OGA: variants seen among roughly 807,000 people sequenced by gnomAD.
The protein encoded by OGA is protein O-GlcNAcase.
In OGA, 21 loss-of-function variants were observed where a neutral mutation model predicts 102.0. The observed-to-expected ratio is 0.21, with a 90% confidence interval of 0.15 to 0.30. The LOEUF (loss-of-function observed/expected upper bound fraction) is 0.30. OGA is among the 10% of genes least tolerant of loss of function. OGA has a pLI of 1.00. For missense variants in OGA, 765 were observed against 1,107.8 expected (o/e 0.69, Z 4.39); for synonymous variants, 408 against 378.2 (o/e 1.08, Z -0.91).
chr10:101,794,392 A>T (rs2065292664), intron 10 of OGA, among the ~76,000 whole-genome samples: 1 of 152,216 alleles, frequency 6.6e-6, no homozygotes, highest in African/African-American at 2.4e-5. Context: ...CCCATGAAGG[A>T]ATTCAACCTG....
At chr10:101,816,263 C>T (rs1028981218) in intron 1 of OGA, among the ~76,000 whole-genome samples, 3 of 151,956 alleles carry the variant, frequency 2.0e-5, no homozygotes, top group Non-Finnish European at 4.4e-5. Context: ...ACTCCGTCTC[C>T]CAAAACAAAA....
In OGA at chr10:101,793,908, G is replaced by A; in HGVS notation, c.2070+5C>T. On this transcript the variant is annotated splice_donor_5th_base_variant and intron_variant, in intron 11 of 15. Transcript: ENST00000361464. ...GTCAATTCAGTTGTGAATTCATATT[G>A]ATACCTGGAACTCTCCTGCTAGACC... 5.0e-6 allele frequency: 8 copies of A among 1,588,656 alleles called. No individual in the cohort carries two copies. The highest frequency in any genetic ancestry group is 6.0e-6 in the Non-Finnish European group (7 of 1,157,234).
intron 1 of OGA, 26 bp downstream of exon 1, chr10:101,817,798 A>C: frequency 6.5e-7 from 1 of 1,535,264 alleles, no homozygotes; most frequent in East Asian, 2.5e-5. Context: ...TTAGTGCCAA[A>C]ACGGGGAGGG....
intron 12 of OGA, 72 bp from the exon 13 acceptor site, chr10:101,791,511 T>G: frequency 7.9e-7 from 1 of 1,264,920 alleles, no homozygotes; most frequent in Non-Finnish European, 1.1e-6. Flanking sequence ...AACTCACAAG[T>G]CAGTCTGGGG....
Position 101,818,335 on chromosome 10 carries a change from T to C in OGA, c.-313A>G, listed in dbSNP as rs2065670651. On this transcript the variant is annotated 5_prime_UTR_variant, in exon 1 of 16. Coordinates refer to ENST00000361464, the MANE Select transcript of OGA (RefSeq NM_012215.5). ...AGACGGCCAAGGGTCCTGTCCTCGT[T>C]CTCTGCCTCTGCTGCCCTCCCGATA... is the stretch of plus-strand genomic sequence containing the variant. 8.7e-7 allele frequency: 1 copy of C among 1,144,910 alleles called. No homozygotes were observed. The highest frequency in any genetic ancestry group is 1.6e-5 in the African/African-American group (1 of 61,826). 70.9% of individuals were successfully genotyped at this position (1,144,910 alleles called of 1,614,324 possible). A position where few individuals can be genotyped will look rare whatever the true frequency, so the allele number is the denominator to read the frequency against.
chr10:101,800,135 AGTGCT>A (rs758949882), intron 8 of OGA, 102 bp downstream of exon 8: 756 of 1,251,520 alleles, frequency 6.0e-4, no homozygotes, highest in Non-Finnish European at 7.6e-4. Context: ...GGCCTCCCAA[AGTGCT>A]GAGATTACAG....
chr10:101,792,574 T>C, intron 12 of OGA: 1 of 359,914 alleles, frequency 2.8e-6, no homozygotes, highest in Non-Finnish European at 5.0e-6. Context: ...ACACATCATT[T>C]AGACACATTA....
In OGA at chr10:101,813,571, T is replaced by C; in HGVS notation, c.235A>G (p.Lys79Glu). 6.4e-7 allele frequency: 1 copy of C among 1,554,380 alleles called. No individual in the cohort carries two copies. The highest frequency in any genetic ancestry group is 8.8e-7 in the Non-Finnish European group (1 of 1,132,918). ...AAGATTTACCTTCTAAAGAGTTCTT[T>C]TCTCTGTTCCATAACCCAAGGTCTT... ...YGRPWVMEQR[K>E]ELFRRLQKWE... Residue 79 changes from lysine (K) to glutamate (E), a missense_variant, in exon 2 of 16, where the codon AAA becomes GAA. Physicochemically the swap from Lys to Glu is moderately conservative, Grantham distance 56 (BLOSUM62 1). Transcript: ENST00000361464.
intron 2 of OGA, 92 bp from the exon 3 acceptor site, chr10:101,813,219 A>T (rs759761060): frequency 4.8e-6 from 4 of 830,448 alleles, no homozygotes; most frequent in Non-Finnish European, 7.9e-6. Flanking sequence ...TCTCCATCTC[A>T]TACAAAGCTA....
chr10:101,812,751 C>A, intron 3 of OGA: 1 of 510,224 alleles, frequency 2.0e-6, no homozygotes, highest in Non-Finnish European at 3.7e-6. Flanking sequence ...GCCCAGTGGC[C>A]CACTGTTTAA....
intron 6 of OGA, among the ~76,000 whole-genome samples, chr10:101,805,190 G>A (rs1416397205): frequency 6.6e-6 from 1 of 151,982 alleles, no homozygotes; most frequent in Non-Finnish European, 1.5e-5. Context: ...GTGTGCACCA[G>A]CCCACCTGGC....
Position 101,786,212 on chromosome 10 carries a change from A to C in OGA, c.*239T>G, listed in dbSNP as rs1218156299. The C allele has an allele frequency of 8.4e-6, 3 of 355,536 alleles. No individual in the cohort carries two copies. Among genetic ancestry groups the C allele is most frequent in the African/African-American group, 6.3e-5 (3 of 47,486 alleles). The allele number at this position is 355,536 out of a possible 1,614,324, so 22.0% of individuals were successfully genotyped here. A position where few individuals can be genotyped will look rare whatever the true frequency, so the allele number is the denominator to read the frequency against. ...CATGTAAAAGGTCTCAGCACCTAAC[A>C]CAAGACTCAAAAAGGAAGCCCACAT... On this transcript the variant is annotated 3_prime_UTR_variant, in exon 16 of 16. Transcript: ENST00000361464.
chr10:101,807,169 T>A (rs2065487711), intron 5 of OGA, among the ~76,000 whole-genome samples: 1 of 152,142 alleles, frequency 6.6e-6, no homozygotes, highest in Admixed American at 6.6e-5. Context: ...TAATCTAAAA[T>A]TCTTCCTGAA....
At chr10:101,790,265 G>GTTTTTTT (rs869235919) in intron 14 of OGA, among the ~76,000 whole-genome samples, 4 of 86,430 alleles carry the variant, frequency 4.6e-5, no homozygotes, top group African/African-American at 4.7e-5. Context: ...ATAATATCTT[G>GTTTTTTT]TTTTTTTTTT....
At position 101,800,175 on chromosome 10, in the gene OGA, C is replaced by CA. The variant is rs1011529097; in HGVS notation, c.1195+66dup. The CA allele has an allele frequency of 6.6e-6, 10 of 1,517,696 alleles. No homozygotes were observed. In the African/African-American group the frequency reaches 1.2e-4, roughly 19 times the overall value. The allele number at this position is 1,517,696 out of a possible 1,614,324, so 94.0% of individuals were successfully genotyped here. A position where few individuals can be genotyped will look rare whatever the true frequency, so the allele number is the denominator to read the frequency against. On this transcript the variant is annotated intron_variant, in intron 8 of 15. Coordinates refer to ENST00000361464, the MANE Select transcript of OGA (RefSeq NM_012215.5). ...GGTGTGAGCCACCACACCCGGGAGA[C>CA]AGTGTTCTTTACTTTGTGACTCAAC...
At chr10:101,814,348 TGA>T (rs1052571428) in intron 1 of OGA, among the ~76,000 whole-genome samples, 5 of 151,624 alleles carry the variant, frequency 3.3e-5, no homozygotes, top group Non-Finnish European at 5.9e-5. Context: ...AACAAAAGGG[TGA>T]GGGGAGATAA....
At position 101,791,402 on chromosome 10, in the gene OGA, T is replaced by C. The variant is rs1176752234; in HGVS notation, c.2213A>G (p.Asp738Gly). The change falls in exon 13 of 16, where the codon GAT (aspartate) becomes GGT (glycine). Residue 738 changes from aspartate (D) to glycine (G), a missense_variant. By Grantham distance (94) the Asp-to-Gly change is moderately conservative. Coordinates refer to ENST00000361464, the MANE Select transcript of OGA (RefSeq NM_012215.5). ...ACTTTGAAAGGGTAAACCCACTCCATCGTCATACATTTCTCTGCAAATCTT... is the reference window on the plus strand; with the variant it reads ...ACTTTGAAAGGGTAAACCCACTCCACCGTCATACATTTCTCTGCAAATCTT... The part of the protein sequence containing the change: ...VYKICREMYD[D>G]GVGLPFQSQP... 6.2e-7 allele frequency: 1 copy of C among 1,614,086 alleles called. No individual in the cohort carries two copies. The highest frequency in any genetic ancestry group is 8.5e-7 in the Non-Finnish European group (1 of 1,179,990).
chr10:101,803,800 G>C lies in OGA; in HGVS notation c.971C>G (p.Ala324Gly). ...PNCEFEANYVAIHTLATWYKS... is the reference protein window; with the variant it reads ...PNCEFEANYVGIHTLATWYKS... ...GTACCAGGTGGCAAGGGTGTGGATAGCAACGTAGTTGGCTTCAAATTCACA... is the reference window on the plus strand; with the variant it reads ...GTACCAGGTGGCAAGGGTGTGGATACCAACGTAGTTGGCTTCAAATTCACA... The change falls in exon 7 of 16, where the codon GCT (alanine) becomes GGT (glycine). Residue 324 changes from alanine (A) to glycine (G), a missense_variant. Physicochemically the swap from Ala to Gly is moderately conservative, Grantham distance 60 (BLOSUM62 0). Transcript: ENST00000361464. The C allele has an allele frequency of 1.2e-6, 2 of 1,614,128 alleles. No homozygotes were observed. The highest frequency in any genetic ancestry group is 1.7e-6 in the Non-Finnish European group (2 of 1,179,994).
At position 101,791,671 on chromosome 10, in the gene OGA, T is replaced by C. The variant is rs2135032981; in HGVS notation, c.2176-232A>G. On this transcript the variant is annotated intron_variant, in intron 12 of 15. Coordinates refer to ENST00000361464, the MANE Select transcript of OGA (RefSeq NM_012215.5). ...ACTGAGAATTGGCTTTTGCAGAGGATGGTTTTTTTGTTTTTTGAGACAAAG... is the reference window on the plus strand; with the variant it reads ...ACTGAGAATTGGCTTTTGCAGAGGACGGTTTTTTTGTTTTTTGAGACAAAG... 2.0e-5 allele frequency among the ~76,000 whole-genome samples: 3 copies of C among 152,308 alleles called. 1 individual carries two copies. The highest frequency in any genetic ancestry group is 1.3e-4 in the Admixed American group (2 of 15,300).
Sources: gnomAD v4.1 joint callset for allele counts (sites outside exome capture counted in the v4.1 genomes callset) on GRCh38, gnomAD v4.1.1 for gene constraint, MANE v1.5 for transcripts, NCBI Gene and HGNC (gene_info 2026-07-23, HGNC 2026-07-21) for gene names.